Variants in TOP3A observed in about 807,000 individuals in gnomAD.
TOP3A encodes the protein DNA topoisomerase 3-alpha.
A neutral mutation model predicts 111.3 loss-of-function variants in TOP3A; 64 were observed. The ratio of observed to expected loss-of-function variants is 0.57; its 90% confidence interval spans 0.47 to 0.71. The LOEUF (loss-of-function observed/expected upper bound fraction) is 0.71. Among genes scored for constraint, TOP3A ranks in the 30% least tolerant of loss-of-function variants. The pLI is 0.00. For missense variants in TOP3A, 1,104 were observed against 1,285.0 expected (o/e 0.86, Z 2.15); for synonymous variants, 484 against 485.1 (o/e 1.00, Z 0.03).
At position 18,311,302 on chromosome 17, in the gene TOP3A, A is replaced by AT. The variant is rs79442031; in HGVS notation, c.181-2362dup. Among the ~76,000 whole-genome samples the AT allele has an allele frequency of 5.8e-3, 770 of 132,068 alleles. 7 individuals are homozygous for AT. Among genetic ancestry groups the AT allele is most frequent in the African/African-American group, 0.021 (749 of 35,062 alleles). The allele number at this position is 132,068 out of a possible 152,430, so 86.6% of individuals were successfully genotyped here. ...GGTATGAGCCACCATGCCTGGCCTA[A>AT]TTTTTTTTTGAGATGGAGTCTCACT... On this transcript the variant is annotated intron_variant, in intron 1 of 18. Coordinates refer to ENST00000321105, the MANE Select transcript of TOP3A (RefSeq NM_004618.5).
intron 9 of TOP3A, among the ~76,000 whole-genome samples, chr17:18,298,237 G>A (rs886188042): frequency 8.1e-5 from 12 of 147,590 alleles, no homozygotes; most frequent in Non-Finnish European, 1.5e-4. Context: ...CAGCCGCGCC[G>A]TCTGAGAAGT....
At chr17:18,308,226 A>C (rs1364962582) in intron 3 of TOP3A, 125 bp downstream of exon 3, 32 of 19,430 alleles carry the variant, frequency 1.6e-3, no homozygotes, top group Middle Eastern at 0.016. Context: ...TCTCCAACAA[A>C]AAAAAAAAAA....
rs772324369 is a variant in TOP3A, at chr17:18,314,747, C to T, written c.32G>A (p.Arg11Gln). The T allele has an allele frequency of 3.8e-6, 6 of 1,568,952 alleles. No homozygotes were observed. Among genetic ancestry groups the T allele is most frequent in the Non-Finnish European group, 5.2e-6 (6 of 1,157,414 alleles). MIFPVARYAL[R>Q]WLRRPEDRAF... The stretch of plus-strand genomic sequence containing the variant: ...ACGGTCTTCGGGCCGTCGCAGCCAC[C>T]GGAGCGCGTAGCGGGCGACAGGAAA... Residue 11 changes from arginine to glutamine, a missense_variant, in exon 1 of 19, where the codon CGG (arginine) becomes CAG (glutamine). By Grantham distance (43) the Arg-to-Gln change is conservative. Coordinates refer to ENST00000321105, the MANE Select transcript of TOP3A (RefSeq NM_004618.5).
chr17:18,292,788 C>A lies in TOP3A; in HGVS notation c.1138G>T (p.Val380Leu). The part of the protein sequence containing the change: ...FPRDLNLTVL[V>L]EQQTPDPRWG... The stretch of plus-strand genomic sequence containing the variant: ...CGTGGATCGGGGGTCTGCTGTTCCA[C>A]CAACACCGTCAGGTTTAAGTCTCTG... The change falls in exon 11 of 19, where the codon GTG (valine) becomes TTG (leucine). Residue 380 changes from valine (V) to leucine (L), a missense_variant. Coordinates refer to ENST00000321105, the MANE Select transcript of TOP3A (RefSeq NM_004618.5). 2 of 1,614,082 alleles carry A rather than the reference C, an allele frequency of 1.2e-6. No individual in the cohort carries two copies. Among genetic ancestry groups the A allele is most frequent in the Non-Finnish European group, 1.7e-6 (2 of 1,179,978 alleles).
In TOP3A at chr17:18,292,782, G is replaced by A; in HGVS notation, c.1144C>T (p.Gln382Ter). The part of the protein sequence containing the change: ...RDLNLTVLVE[Q>*]QTPDPRWGAF... ...CCCCAGCGTGGATCGGGGGTCTGCT[G>A]TTCCACCAACACCGTCAGGTTTAAG... The change falls in exon 11 of 19, where the codon CAG becomes TAG. Residue 382 changes from glutamine to a stop codon, truncating the protein, a stop_gained. Coordinates refer to ENST00000321105, the MANE Select transcript of TOP3A (RefSeq NM_004618.5). LOFTEE classifies it high-confidence loss of function. The A allele has an allele frequency of 6.2e-7, 1 of 1,614,082 alleles. No individual in the cohort carries two copies. The highest frequency in any genetic ancestry group is 1.3e-5 in the African/African-American group (1 of 75,050).
chr17:18,274,666 G>A lies in TOP3A; in HGVS notation c.*136C>T. 25 of 1,423,932 alleles carry A rather than the reference G, an allele frequency of 1.8e-5. No homozygotes were observed. Among genetic ancestry groups the A allele is most frequent in the Non-Finnish European group, 2.2e-5 (24 of 1,073,370 alleles). The allele number at this position is 1,423,932 out of a possible 1,614,324, so 88.2% of individuals were successfully genotyped here. On this transcript the variant is annotated 3_prime_UTR_variant, in exon 19 of 19. Transcript: ENST00000321105. ...CTGGACCTTGTGCCCCTTAACACAA[G>A]AAGGCCCGACTCCAAAGGCCAACAC... is the stretch of plus-strand genomic sequence containing the variant.
At position 18,272,248 on chromosome 17, in the gene TOP3A, T is replaced by C. The variant is rs1048711418; in HGVS notation, c.*2554A>G. 1.1e-4 allele frequency among the ~76,000 whole-genome samples: 17 copies of C among 151,906 alleles called. No homozygotes were observed. Among genetic ancestry groups the C allele is most frequent in the African/African-American group, 4.1e-4 (17 of 41,330 alleles). ...CATACCCACTAGGATGACAAAACAC[T>C]AGGATGGCTATAATACAAGAAAAGG... On this transcript the variant is annotated 3_prime_UTR_variant, in exon 19 of 19. Coordinates refer to ENST00000321105, the MANE Select transcript of TOP3A (RefSeq NM_004618.5).
chr17:18,291,307 C>G (rs542835508), intron 11 of TOP3A, among the ~76,000 whole-genome samples: 117 of 152,346 alleles, frequency 7.7e-4, no homozygotes, highest in South Asian at 3.7e-3. Flanking sequence ...AAGCAGAAAA[C>G]AAGATGAAAG....
intron 15 of TOP3A, among the ~76,000 whole-genome samples, chr17:18,283,500 A>G (rs1368809983): frequency 1.3e-5 from 2 of 152,184 alleles, no homozygotes; most frequent in Admixed American, 6.6e-5. Flanking sequence ...AGAAAATAAC[A>G]AACTGTTATC....
chr17:18,286,243 C>T (rs556579556), intron 13 of TOP3A, among the ~76,000 whole-genome samples: 1 of 151,630 alleles, frequency 6.6e-6, no homozygotes, highest in African/African-American at 2.4e-5. Flanking sequence ...GTGGCTCACG[C>T]CTGTAATCCC....
intron 4 of TOP3A, 51 bp downstream of exon 4, chr17:18,306,840 G>GT (rs1981606920): frequency 1.6e-6 from 2 of 1,219,334 alleles, no homozygotes; most frequent in East Asian, 4.7e-5. Flanking sequence ...AAATCACTCT[G>GT]TTTGACTCTG....
At chr17:18,314,251 G>C (rs541005829) in intron 1 of TOP3A, among the ~76,000 whole-genome samples, 1 of 152,248 alleles carries the variant, frequency 6.6e-6, no homozygotes, top group African/African-American at 2.4e-5. Context: ...ATGAATTTCT[G>C]AATCTCTAGG....
At chr17:18,289,341 GT>G (rs1469125805) in intron 13 of TOP3A, among the ~76,000 whole-genome samples, 1 of 81,004 alleles carries the variant, frequency 1.2e-5, no homozygotes, top group Non-Finnish European at 3.1e-5. Context: ...TGTTGTTGTT[GT>G]TTGTTTGTTT....
chr17:18,291,800 C>T (rs1447821157), intron 11 of TOP3A, among the ~76,000 whole-genome samples: 8 of 151,966 alleles, frequency 5.3e-5, no homozygotes, highest in Admixed American at 3.9e-4. Context: ...TTGCAACCTC[C>T]GCCTCCTGGG....
chr17:18,308,474 T>C (rs1981721650), intron 2 of TOP3A, 50 bp from the exon 3 acceptor site: 2 of 1,299,114 alleles, frequency 1.5e-6, no homozygotes, highest in Non-Finnish European at 2.2e-6. Flanking sequence ...GCAGTTATTA[T>C]TCTGCCAAAT....
intron 18 of TOP3A, 26 bp downstream of exon 18, chr17:18,277,649 G>C: frequency 2.5e-6 from 4 of 1,584,550 alleles, no homozygotes; most frequent in Non-Finnish European, 3.4e-6. Context: ...TGAAGGCAGG[G>C]ATTCCCATGC....
intron 16 of TOP3A, 43 bp downstream of exon 16, chr17:18,282,655 G>A (rs1979830878): frequency 6.2e-7 from 1 of 1,610,436 alleles, no homozygotes; most frequent in Non-Finnish European, 8.5e-7. Flanking sequence ...TGACACCGCA[G>A]GTGCTGGGGA....
intron 9 of TOP3A, among the ~76,000 whole-genome samples, chr17:18,298,008 G>A (rs1282766366): frequency 2.0e-5 from 3 of 150,650 alleles, no homozygotes; most frequent in African/African-American, 4.9e-5. Flanking sequence ...CATCCCATCT[G>A]GGAAGTGAGG....
At chr17:18,298,796 G>A (rs1363986051) in intron 9 of TOP3A, among the ~76,000 whole-genome samples, 1 of 152,166 alleles carries the variant, frequency 6.6e-6, no homozygotes, top group Non-Finnish European at 1.5e-5. Flanking sequence ...TATCCACTCA[G>A]GGTTGAATGA....
Sources: allele counts gnomAD v4.1 joint callset (sites outside exome capture counted in the v4.1 genomes callset), GRCh38; gene constraint gnomAD v4.1.1; transcripts MANE v1.5; gene names NCBI Gene and HGNC (gene_info 2026-07-23, HGNC 2026-07-21).